The following ANGPT1 variants were observed in gnomAD, a reference collection of about 807,000 sequenced individuals.
ANGPT1 encodes the protein angiopoietin-1.
Under a neutral mutation model 62.2 loss-of-function variants are expected in ANGPT1, and 17 were observed. That is an observed-to-expected ratio of 0.27 (90% CI 0.19 to 0.41). The LOEUF (loss-of-function observed/expected upper bound fraction) is 0.41. Ranked by LOEUF, ANGPT1 falls within the 10% of genes least tolerant of loss-of-function variation. ANGPT1 has a pLI of 1.00. For missense variants in ANGPT1, 478 were observed against 594.9 expected (o/e 0.80, Z 2.04); for synonymous variants, 199 against 198.9 (o/e 1.00, Z 0.00).
chr8:107,401,143 A>G (rs550520703), intron 1 of ANGPT1, among the ~76,000 whole-genome samples: 2 of 152,242 alleles, frequency 1.3e-5, no homozygotes, highest in African/African-American at 4.8e-5. Context: ...TTTGACAACC[A>G]AGAACCACAT....
intron 1 of ANGPT1, among the ~76,000 whole-genome samples, chr8:107,412,505 T>A (rs116049817): frequency 6.6e-6 from 1 of 152,158 alleles, no homozygotes; most frequent in African/African-American, 2.4e-5. Context: ...ATAGTATATG[T>A]ACACATATAT....
At chr8:107,291,409 G>GTGTTT (rs74814127) in intron 6 of ANGPT1, among the ~76,000 whole-genome samples, 44,664 of 151,078 alleles carry the variant, frequency 0.3, 7,447 homozygotes, top group Admixed American at 0.39. Flanking sequence ...GACTATAATT[G>GTGTTT]TGTTTTGTTT....
chr8:107,373,271 A>AT (rs767146621), intron 1 of ANGPT1, among the ~76,000 whole-genome samples: 35 of 57,316 alleles, frequency 6.1e-4, no homozygotes, highest in African/African-American at 1.0e-3. Flanking sequence ...TACAAAATAG[A>AT]TTTTTTTTTT....
At chr8:107,297,058 A>G (rs10107373) in intron 5 of ANGPT1, among the ~76,000 whole-genome samples, 1,942 of 152,118 alleles carry the variant, frequency 0.013, 46 homozygotes, top group African/African-American at 0.044. Context: ...TTCCTTCTAA[A>G]CAGAGGAATC....
At chr8:107,376,215 A>G (rs774009110) in intron 1 of ANGPT1, among the ~76,000 whole-genome samples, 16 of 152,188 alleles carry the variant, frequency 1.1e-4, no homozygotes, top group Non-Finnish European at 1.9e-4. Context: ...CATGTAATCA[A>G]GTTGAGAACA....
chr8:107,462,705 C>A (rs1490276840), intron 1 of ANGPT1, among the ~76,000 whole-genome samples: 1 of 151,904 alleles, frequency 6.6e-6, no homozygotes, highest in African/African-American at 2.4e-5. Context: ...TGTATACAAC[C>A]CTCACTACAA....
chr8:107,481,270 C>T (rs1812674899), intron 1 of ANGPT1, among the ~76,000 whole-genome samples: 1 of 152,082 alleles, frequency 6.6e-6, no homozygotes, highest in Admixed American at 6.6e-5. Context: ...TGAGGTGGCT[C>T]ATGCCTGTAA....
At chr8:107,363,514 A>G (rs769718521) in intron 1 of ANGPT1, among the ~76,000 whole-genome samples, 4 of 152,190 alleles carry the variant, frequency 2.6e-5, no homozygotes, top group Non-Finnish European at 4.4e-5. Context: ...GGACTCTGTT[A>G]GCTCTAAGCT....
intron 1 of ANGPT1, among the ~76,000 whole-genome samples, chr8:107,448,963 T>C (rs1340964074): frequency 6.6e-6 from 1 of 152,116 alleles, no homozygotes; most frequent in Non-Finnish European, 1.5e-5. Context: ...ACAGGCTGAA[T>C]TGACATGGTC....
intron 5 of ANGPT1, among the ~76,000 whole-genome samples, chr8:107,298,292 T>G (rs1395522163): frequency 6.6e-6 from 1 of 151,984 alleles, no homozygotes; most frequent in Non-Finnish European, 1.5e-5. Context: ...ACCCATTTGT[T>G]ACAGTACTTT....
chr8:107,422,519 T>C (rs1810919462), intron 1 of ANGPT1, among the ~76,000 whole-genome samples: 1 of 152,218 alleles, frequency 6.6e-6, no homozygotes, highest in Non-Finnish European at 1.5e-5. Flanking sequence ...AGAGCACAAC[T>C]GATACTAATC....
chr8:107,423,577 AC>A (rs199994075), intron 1 of ANGPT1, among the ~76,000 whole-genome samples: 26 of 150,042 alleles, frequency 1.7e-4, no homozygotes, highest in Admixed American at 7.3e-4. Context: ...CTCTGAGAAC[AC>A]CCCCCGACTC....
At chr8:107,442,495 TTC>T (rs1318772345) in intron 1 of ANGPT1, among the ~76,000 whole-genome samples, 1 of 152,216 alleles carries the variant, frequency 6.6e-6, no homozygotes, top group Non-Finnish European at 1.5e-5. Context: ...TAACAGATTT[TTC>T]AAGAAAGAAG....
intron 1 of ANGPT1, among the ~76,000 whole-genome samples, chr8:107,473,860 G>A (rs1199272157): frequency 1.3e-5 from 2 of 151,976 alleles, no homozygotes; most frequent in Non-Finnish European, 2.9e-5. Context: ...AATGCATAGG[G>A]ATTTGCAAAG....
At chr8:107,302,590 T>G (rs890875514) in intron 5 of ANGPT1, among the ~76,000 whole-genome samples, 1 of 151,980 alleles carries the variant, frequency 6.6e-6, no homozygotes, top group African/African-American at 2.4e-5. Context: ...CAGTATTGAA[T>G]GAAGGCATAG....
intron 1 of ANGPT1, among the ~76,000 whole-genome samples, chr8:107,390,812 C>T (rs1816819885): frequency 6.6e-6 from 1 of 152,116 alleles, no homozygotes; most frequent in Admixed American, 6.5e-5. Flanking sequence ...CAGAAAGATT[C>T]AGTGACTTGC....
At chr8:107,394,928 G>C (rs1367073650) in intron 1 of ANGPT1, among the ~76,000 whole-genome samples, 1 of 151,946 alleles carries the variant, frequency 6.6e-6, no homozygotes, top group Non-Finnish European at 1.5e-5. Flanking sequence ...AAAACCCTAA[G>C]GATAATTAAG....
At chr8:107,390,080 A>C (rs1419621278) in intron 1 of ANGPT1, among the ~76,000 whole-genome samples, 4 of 152,158 alleles carry the variant, frequency 2.6e-5, no homozygotes, top group African/African-American at 9.7e-5. Flanking sequence ...ATTCCCTTTC[A>C]GGTTAACTGG....
intron 1 of ANGPT1, among the ~76,000 whole-genome samples, chr8:107,460,601 T>A (rs932858774): frequency 8.5e-5 from 13 of 152,078 alleles, no homozygotes; most frequent in African/African-American, 3.1e-4. Context: ...AAATGAAAAG[T>A]TTTCTACAGA....
Sources: allele counts gnomAD v4.1 joint callset (sites outside exome capture counted in the v4.1 genomes callset), GRCh38; gene constraint gnomAD v4.1.1; transcripts MANE v1.5; gene names NCBI Gene and HGNC (gene_info 2026-07-23, HGNC 2026-07-21).